TRPM3: variants seen among roughly 807,000 people sequenced by gnomAD.
TRPM3 encodes transient receptor potential cation channel subfamily M member 3.
A neutral mutation model predicts 181.2 loss-of-function variants in TRPM3; 77 were observed. The observed-to-expected ratio is 0.42, with a 90% CI of 0.35 to 0.51. The LOEUF (loss-of-function observed/expected upper bound fraction) is 0.51. Ranked by LOEUF, TRPM3 falls within the 20% of genes least tolerant of loss-of-function variation. The pLI is 0.01. For missense variants in TRPM3, 1,759 were observed against 2,196.7 expected, an observed-to-expected ratio of 0.80 and a Z score of 3.98; for synonymous variants, 745 against 796.4, an observed-to-expected ratio of 0.94 and a Z score of 1.09.
intron 1 of TRPM3, among the ~76,000 whole-genome samples, chr9:71,061,117 A>G (rs926791271): frequency 7.9e-5 from 12 of 152,086 alleles, no homozygotes; most frequent in Admixed American, 5.9e-4. Flanking sequence ...GCCGTGTACA[A>G]TAAGACTCTG....
At chr9:71,230,310 A>C (rs1565365149) in intron 1 of TRPM3, among the ~76,000 whole-genome samples, 2 of 152,062 alleles carry the variant, frequency 1.3e-5, no homozygotes, top group Admixed American at 6.5e-5. Context: ...TGATTACCAG[A>C]GTCTGGGAAA....
chr9:71,395,507 G>T (rs1029942669), intron 1 of TRPM3, among the ~76,000 whole-genome samples: 3 of 152,204 alleles, frequency 2.0e-5, no homozygotes, highest in Non-Finnish European at 4.4e-5. Context: ...GACACGTGGA[G>T]CTGCCCTGTG....
At chr9:70,543,829 T>C (rs1400365585) in intron 25 of TRPM3, among the ~76,000 whole-genome samples, 1 of 152,158 alleles carries the variant, frequency 6.6e-6, no homozygotes, top group Non-Finnish European at 1.5e-5. Context: ...GGTGGGGTGA[T>C]GGTGGATGAT....
intron 5 of TRPM3, among the ~76,000 whole-genome samples, chr9:70,831,642 G>T (rs1311802809): frequency 6.6e-6 from 1 of 151,802 alleles, no homozygotes; most frequent in African/African-American, 2.4e-5. Flanking sequence ...CTGTGTTGCA[G>T]TTCAGATAAG....
intron 1 of TRPM3, among the ~76,000 whole-genome samples, chr9:71,354,946 C>T: frequency 6.6e-6 from 1 of 152,202 alleles, no homozygotes; most frequent in Non-Finnish European, 1.5e-5. Flanking sequence ...GTTATTCAAA[C>T]ATTCTTAACA....
At chr9:70,994,608 C>T (rs895425078) in intron 1 of TRPM3, among the ~76,000 whole-genome samples, 1 of 151,946 alleles carries the variant, frequency 6.6e-6, no homozygotes, top group African/African-American at 2.4e-5. Context: ...ATACGTATGC[C>T]CAGAGAAATT....
At chr9:70,962,790 G>A (rs961912999) in intron 1 of TRPM3, among the ~76,000 whole-genome samples, 43 of 152,042 alleles carry the variant, frequency 2.8e-4, no homozygotes, top group African/African-American at 9.9e-4. Flanking sequence ...GGTACCTTGC[G>A]TAACTGAAAG....
chr9:70,625,186 C>T lies in TRPM3; in HGVS notation c.1809+5G>A, dbSNP rs745943225. The T allele has an allele frequency of 1.9e-5, 30 of 1,613,870 alleles. No homozygotes were observed. The highest frequency in any genetic ancestry group is 2.5e-5 in the Non-Finnish European group (30 of 1,179,946). ...GAAGGGCCCCGAATTTGCAGCCAGC[C>T]TCACCCTCTTGGGGCCGAAGAGGTT... On this transcript the variant is annotated splice_donor_5th_base_variant and intron_variant, in intron 14 of 25. Transcript: ENST00000677713. The surrounding 1 kb of genome is among the most constrained non-coding windows in gnomAD (Gnocchi z 4.8).
At chr9:70,645,588 C>A (rs1451809071) in intron 9 of TRPM3, among the ~76,000 whole-genome samples, 1 of 150,638 alleles carries the variant, frequency 6.6e-6, no homozygotes, top group African/African-American at 2.4e-5. Flanking sequence ...AAACATATAA[C>A]CTAAAACCAT....
At chr9:71,439,304 T>C (rs1351082418) in intron 1 of TRPM3, among the ~76,000 whole-genome samples, 2 of 152,252 alleles carry the variant, frequency 1.3e-5, no homozygotes, top group Non-Finnish European at 2.9e-5. Context: ...AAGCAACTTC[T>C]GCTTTTTACA....
intron 1 of TRPM3, among the ~76,000 whole-genome samples, chr9:71,360,344 A>G (rs2092092528): frequency 6.6e-6 from 1 of 152,198 alleles, no homozygotes; most frequent in Non-Finnish European, 1.5e-5. Context: ...TATTATATAC[A>G]TCATAATTCT....
intron 6 of TRPM3, chr9:70,825,199 C>T (rs1038380548): frequency 6.6e-6 from 1 of 152,110 alleles, no homozygotes; most frequent in African/African-American, 2.4e-5. Context: ...AGTTGGTCAC[C>T]CTACCACTAT....
At chr9:70,920,172 A>G (rs2096640679) in intron 1 of TRPM3, among the ~76,000 whole-genome samples, 1 of 152,212 alleles carries the variant, frequency 6.6e-6, no homozygotes, top group South Asian at 2.1e-4. Context: ...CATCTTCAAT[A>G]TTTGATATGC....
At chr9:71,163,315 G>T (rs1208055642) in intron 1 of TRPM3, among the ~76,000 whole-genome samples, 1 of 152,062 alleles carries the variant, frequency 6.6e-6, no homozygotes, top group Non-Finnish European at 1.5e-5. Context: ...TAGTGATAAA[G>T]AGGGGAAACA....
intron 3 of TRPM3, among the ~76,000 whole-genome samples, chr9:70,854,353 C>T (rs183498590): frequency 1.8e-3 from 267 of 152,330 alleles, no homozygotes; most frequent in African/African-American, 5.9e-3. Context: ...GCAATTTGAG[C>T]ATCCTCTGTT....
chr9:71,147,185 G>GA (rs2075456545), intron 1 of TRPM3, among the ~76,000 whole-genome samples: 2 of 152,162 alleles, frequency 1.3e-5, no homozygotes, highest in South Asian at 4.1e-4. Flanking sequence ...AACCTACAGT[G>GA]AAAAAATAGA....
chr9:70,751,180 C>T (rs886087122), intron 8 of TRPM3, among the ~76,000 whole-genome samples: 1 of 151,818 alleles, frequency 6.6e-6, no homozygotes, highest in African/African-American at 2.4e-5. Context: ...TTAAGAAACT[C>T]ATCTAACATA....
chr9:71,332,382 T>A (rs1412941552), intron 1 of TRPM3, among the ~76,000 whole-genome samples: 1 of 140,870 alleles, frequency 7.1e-6, no homozygotes, highest in Non-Finnish European at 1.5e-5. Context: ...GTTGGGTGTG[T>A]GTGTGTGTGT....
intron 1 of TRPM3, among the ~76,000 whole-genome samples, chr9:70,942,248 C>T (rs557251585): frequency 1.4e-4 from 22 of 152,272 alleles, no homozygotes; most frequent in Non-Finnish European, 2.4e-4. Context: ...CCTTAGGACT[C>T]TCAAACAAAC....
Sources: gnomAD v4.1 joint callset for allele counts (sites outside exome capture counted in the v4.1 genomes callset) on GRCh38, gnomAD v4.1.1 for gene constraint, Gnocchi (gnomAD v3.1) non-coding constraint, MANE v1.5 for transcripts, NCBI Gene and HGNC (gene_info 2026-07-23, HGNC 2026-07-21) for gene names.